Variants in SPATA22 observed in about 807,000 individuals in gnomAD.
The protein encoded by SPATA22 is spermatogenesis-associated protein 22.
A neutral mutation model predicts 47.8 loss-of-function variants in SPATA22; 29 were observed. The ratio of observed to expected loss-of-function variants is 0.61; its 90% confidence interval spans 0.45 to 0.83. The LOEUF is 0.83. SPATA22 is among the 40% of genes least tolerant of loss of function. The pLI, the probability that SPATA22 is intolerant of heterozygous loss-of-function variation, is 0.00. For synonymous variants in SPATA22, 133 were observed against 140.9 expected, an observed-to-expected ratio of 0.94 and a Z score of 0.40; for missense variants, 410 against 421.7, an observed-to-expected ratio of 0.97 and a Z score of 0.24.
intron 5 of SPATA22, among the ~76,000 whole-genome samples, chr17:3,452,389 C>T (rs971191066): frequency 1.3e-5 from 2 of 151,270 alleles, no homozygotes; most frequent in Non-Finnish European, 2.9e-5. Flanking sequence ...GCCAAGAGAT[C>T]GAGACCATCC....
At chr17:3,458,873 A>AAAAAAAAAAAAAAAAAAAC in intron 5 of SPATA22, among the ~76,000 whole-genome samples, 1 of 151,092 alleles carries the variant, frequency 6.6e-6, no homozygotes, top group Non-Finnish European at 1.5e-5. Flanking sequence ...AAAAAAAAAA[A>AAAAAAAAAAAAAAAAAAAC]AAAAAAATTC....
At chr17:3,509,959 G>A (rs1013770921) in intron 1 of SPATA22, among the ~76,000 whole-genome samples, 10 of 152,154 alleles carry the variant, frequency 6.6e-5, no homozygotes, top group Admixed American at 4.6e-4. Context: ...CCACGTAAAT[G>A]TCTTCTTTTG....
At chr17:3,511,977 A>G (rs886052845) in intron 1 of SPATA22, 1 of 152,168 alleles carries the variant, frequency 6.6e-6, no homozygotes, top group African/African-American at 2.4e-5. Context: ...GCGGGTAGCT[A>G]ACTCCAGATG....
At chr17:3,445,606 G>T (rs2150696830) in intron 7 of SPATA22, among the ~76,000 whole-genome samples, 1 of 152,214 alleles carries the variant, frequency 6.6e-6, no homozygotes, top group East Asian at 1.9e-4. Flanking sequence ...CCATTACTTT[G>T]TTACGCAGCA....
At chr17:3,471,924 G>A (rs549329398), upstream of SPATA22, 8 of 927,744 alleles carry the variant, frequency 8.6e-6, no homozygotes, top group Middle Eastern at 5.5e-4. Context: ...GCGCGATGAC[G>A]TTAACGCTCT....
intron 6 of SPATA22, among the ~76,000 whole-genome samples, chr17:3,447,929 C>T (rs1221609239): frequency 1.3e-5 from 2 of 152,180 alleles, no homozygotes; most frequent in South Asian, 2.1e-4. Flanking sequence ...GACAGTTCAG[C>T]CTTCCACAAC....
At chr17:3,476,874 C>T (rs373457073) in intron 1 of SPATA22, among the ~76,000 whole-genome samples, 1 of 152,176 alleles carries the variant, frequency 6.6e-6, no homozygotes, top group Admixed American at 6.5e-5. Context: ...TGAATGAAAG[C>T]GTGATTAAAT....
intron 1 of SPATA22, among the ~76,000 whole-genome samples, chr17:3,470,418 C>T (rs915680832): frequency 3.9e-5 from 6 of 152,116 alleles, no homozygotes; most frequent in African/African-American, 7.2e-5. Context: ...CAAGTCAGGC[C>T]GAGGTGTTAA....
chr17:3,470,093 CAAAAAAAA>C (rs57432043), intron 1 of SPATA22, among the ~76,000 whole-genome samples: 4 of 54,304 alleles, frequency 7.4e-5, no homozygotes, highest in African/African-American at 7.2e-5. Flanking sequence ...GACTCCATCT[CAAAAAAAA>C]AAAAAAAAAA....
intron 5 of SPATA22, among the ~76,000 whole-genome samples, chr17:3,451,637 A>G (rs1021755532): frequency 6.6e-6 from 1 of 152,202 alleles, no homozygotes; most frequent in African/African-American, 2.4e-5. Flanking sequence ...TAAAACTAGA[A>G]ATCAATAACA....
At chr17:3,447,070 C>T (rs764004369) in intron 6 of SPATA22, among the ~76,000 whole-genome samples, 15 of 151,636 alleles carry the variant, frequency 9.9e-5, no homozygotes, top group Non-Finnish European at 1.9e-4. Flanking sequence ...TATCTGTCCT[C>T]GAAGATTTTA....
At chr17:3,469,476 T>C in intron 1 of SPATA22, 78 bp from the exon 2 acceptor site, 1 of 602,002 alleles carries the variant, frequency 1.7e-6, no homozygotes, top group East Asian at 2.9e-5. Context: ...ACTGAAATTA[T>C]GGTTGTAAAC....
In SPATA22 at chr17:3,506,476, A is replaced by G. The variant is rs9911045; in HGVS notation, c.-74+6936T>C. Among the ~76,000 whole-genome samples the G allele has an allele frequency of 8.4e-3, 1,248 of 148,500 alleles. 21 individuals carry two copies. Among genetic ancestry groups the G allele is most frequent in the African/African-American group, 0.031 (1,191 of 38,054 alleles). On this transcript the variant is annotated intron_variant, in intron 1 of 8. Transcript: ENST00000541913. The stretch of plus-strand genomic sequence containing the variant: ...GGATTAATGTAGTATAATTAAGGGG[A>G]AAAAAATACTAAAGCCCCATTAGCT...
At chr17:3,487,940 C>T (rs1257524580) in intron 1 of SPATA22, among the ~76,000 whole-genome samples, 1 of 152,180 alleles carries the variant, frequency 6.6e-6, no homozygotes, top group African/African-American at 2.4e-5. Context: ...TGCACAGATG[C>T]ATACCTTAGC....
At chr17:3,482,364 T>C (rs530246113) in intron 1 of SPATA22, among the ~76,000 whole-genome samples, 1 of 152,314 alleles carries the variant, frequency 6.6e-6, no homozygotes, top group South Asian at 2.1e-4. Context: ...ATAATCATTT[T>C]AAGGCTCAGA....
At chr17:3,491,609 G>A (rs2073825250) in intron 1 of SPATA22, among the ~76,000 whole-genome samples, 1 of 152,062 alleles carries the variant, frequency 6.6e-6, no homozygotes, top group Non-Finnish European at 1.5e-5. Flanking sequence ...TTAGCTGGGT[G>A]TGGTGGCATG....
At chr17:3,457,313 C>T (rs1253104888) in intron 5 of SPATA22, among the ~76,000 whole-genome samples, 1 of 151,782 alleles carries the variant, frequency 6.6e-6, no homozygotes, top group Admixed American at 6.6e-5. Context: ...TTGTCTCAGC[C>T]CAAAATCTCC....
Position 3,482,650 on chromosome 17 carries a change from G to C in SPATA22, c.-73-13252C>G, listed in dbSNP as rs538372767. 3.8e-3 allele frequency among the ~76,000 whole-genome samples: 583 copies of C among 152,136 alleles called. 7 individuals are homozygous for C. Among genetic ancestry groups the C allele is most frequent in the African/African-American group, 0.013 (556 of 41,504 alleles). ...TACTCAAAGCCTTAAATGACATAAA[G>C]TATTTAAAACATTTAGCCTCATACC... On this transcript the variant is annotated intron_variant, in intron 1 of 8. Coordinates refer to the SPATA22 transcript ENST00000541913.
chr17:3,513,703 G>A (rs1442078774), exon 1 of SPATA22: 6 of 485,156 alleles, frequency 1.2e-5, no homozygotes, highest in African/African-American at 9.7e-5. Flanking sequence ...CCAGCTGTTT[G>A]CCAAGTAACA....
Sources: allele counts gnomAD v4.1 joint callset (sites outside exome capture counted in the v4.1 genomes callset), GRCh38; gene constraint gnomAD v4.1.1; transcripts MANE v1.5; gene names NCBI Gene and HGNC (gene_info 2026-07-23, HGNC 2026-07-21).